PIAS2: variants seen among roughly 807,000 people sequenced by gnomAD.
PIAS2 encodes E3 SUMO-protein ligase PIAS2.
In PIAS2, 19 loss-of-function variants were observed where a neutral mutation model predicts 69.7. That is an observed-to-expected ratio of 0.27 (90% CI 0.19 to 0.40). The LOEUF is 0.40. Among genes scored for constraint, PIAS2 ranks in the 10% least tolerant of loss-of-function variants. The pLI is 1.00. For missense variants in PIAS2, 624 were observed against 757.0 expected, an observed-to-expected ratio of 0.82 and a Z score of 2.06; for synonymous variants, 261 against 263.2, an observed-to-expected ratio of 0.99 and a Z score of 0.08.
chr18:46,919,417 C>T (rs1382426991), upstream of PIAS2, among the ~76,000 whole-genome samples: 1 of 151,654 alleles, frequency 6.6e-6, no homozygotes, highest in Admixed American at 6.6e-5. Flanking sequence ...ACCCTGGAGG[C>T]GGAGGTTCCA....
intron 9 of PIAS2, among the ~76,000 whole-genome samples, chr18:46,830,944 C>G (rs1157381197): frequency 6.6e-6 from 1 of 152,114 alleles, no homozygotes; most frequent in East Asian, 1.9e-4. Flanking sequence ...AATCCAACAA[C>G]AAATATACAC....
intron 5 of PIAS2, among the ~76,000 whole-genome samples, chr18:46,847,823 G>C (rs963183678): frequency 6.6e-6 from 1 of 152,004 alleles, no homozygotes; most frequent in African/African-American, 2.4e-5. Context: ...TTTCTGATTC[G>C]CAGTATATCC....
At chr18:46,918,824 T>G (rs1039803010), upstream of PIAS2, among the ~76,000 whole-genome samples, 121 of 152,230 alleles carry the variant, frequency 7.9e-4, no homozygotes, top group Non-Finnish European at 5.9e-5. Flanking sequence ...AGGTTTCACT[T>G]TAAGTGTCAC....
intron 2 of PIAS2, among the ~76,000 whole-genome samples, chr18:46,879,528 A>G (rs748351261): frequency 3.3e-5 from 5 of 152,174 alleles, no homozygotes; most frequent in Non-Finnish European, 7.3e-5. Flanking sequence ...AAATAGAATT[A>G]CCATACGATC....
chr18:46,881,686 G>A (rs2052288858), intron 2 of PIAS2, among the ~76,000 whole-genome samples: 1 of 152,186 alleles, frequency 6.6e-6, no homozygotes. Context: ...ACAACTGACA[G>A]TGCTTCATCA....
rs1402314321 is a variant in PIAS2 at position 46,891,053 on chromosome 18, T to C, written c.26A>G (p.Asn9Ser). The change falls in exon 2 of 14, where the codon AAT (asparagine) becomes AGT (serine). Residue 9 changes from asparagine to serine, a missense_variant and splice_region_variant. Around this residue, in one of 3 missense-constraint regions of PIAS2, gnomAD observed 339 missense variants for 408.8 expected, o/e 0.83. Transcript: ENST00000585916. MADFEELR[N>S]MVSSFRVSEL... Reference sequence around the variant, plus strand: ...AGAAACCCTAAAACTAGAAACCATATTCTAAAAGGAAAGAAAAAAAAACAT... The same window carrying C: ...AGAAACCCTAAAACTAGAAACCATACTCTAAAAGGAAAGAAAAAAAAACAT... 1 of 1,561,194 alleles carries C rather than the reference T, an allele frequency of 6.4e-7. No individual in the cohort carries two copies. Among genetic ancestry groups the C allele is most frequent in the Non-Finnish European group, 8.7e-7 (1 of 1,154,664 alleles).
intron 1 of PIAS2, among the ~76,000 whole-genome samples, chr18:46,910,884 C>G (rs1368032343): frequency 6.6e-6 from 1 of 152,136 alleles, no homozygotes; most frequent in East Asian, 1.9e-4. Flanking sequence ...TTTCAACATT[C>G]GAGAACTCAG....
chr18:46,861,001 C>T (rs968392094), intron 3 of PIAS2, among the ~76,000 whole-genome samples: 6 of 151,304 alleles, frequency 4.0e-5, no homozygotes, highest in East Asian at 1.9e-4. Flanking sequence ...AATAAAAGGC[C>T]GGGTGTGGTG....
rs116577469 is a variant in PIAS2 at position 46,890,892 on chromosome 18, G to A, written c.187C>T (p.Arg63Cys). The A allele has an allele frequency of 9.3e-6, 15 of 1,614,152 alleles. No individual in the cohort carries two copies. The highest frequency in any genetic ancestry group is 2.7e-5 in the African/African-American group (2 of 75,034). The change falls in exon 2 of 14, where the codon CGC becomes TGC. Residue 63 changes from arginine to cysteine, a missense_variant. Around this residue, in one of 3 missense-constraint regions of PIAS2, gnomAD observed 339 missense variants for 408.8 expected, o/e 0.83. Coordinates refer to ENST00000585916, the MANE Select transcript of PIAS2 (RefSeq NM_004671.5). ...VQIKIRELYR[R>C]RYPRTLEGLS... Reference sequence around the variant, plus strand: ...CCTTCAAGAGTTCGTGGATATCGGCGTCTATACAATTCTCGGATTTTAATC... The same window carrying A: ...CCTTCAAGAGTTCGTGGATATCGGCATCTATACAATTCTCGGATTTTAATC...
At chr18:46,818,400 A>G (rs375469650) in intron 12 of PIAS2, 5 of 1,587,902 alleles carry the variant, frequency 3.1e-6, no homozygotes, top group Non-Finnish European at 4.3e-6. Context: ...GTATCAGAAG[A>G]TGTTCCAAGC....
intron 5 of PIAS2, among the ~76,000 whole-genome samples, chr18:46,850,565 AT>A (rs1370801474): frequency 6.6e-6 from 1 of 152,172 alleles, no homozygotes; most frequent in Non-Finnish European, 1.5e-5. Context: ...TGGGGTAAAA[AT>A]TTTAGAAACA....
At chr18:46,901,145 C>T (rs112743728) in intron 1 of PIAS2, 15,449 of 343,560 alleles carry the variant, frequency 0.045, 455 homozygotes, top group Non-Finnish European at 0.062. Flanking sequence ...AGGCTGGGTG[C>T]GGTGGCTCAC....
Position 46,828,076 on chromosome 18 carries a change from T to C in PIAS2, c.1391A>G (p.Lys464Arg). 1 of 1,613,864 alleles carries C rather than the reference T, an allele frequency of 6.2e-7. No individual in the cohort carries two copies. Among genetic ancestry groups the C allele is most frequent in the South Asian group, 1.1e-5 (1 of 91,032 alleles). Reference sequence around the variant, plus strand: ...AAGATCAATAACATCTACTTTCTTCTTGCTTGCCTCACTGGCTACAGTCAC... The same window carrying C: ...AAGATCAATAACATCTACTTTCTTCCTGCTTGCCTCACTGGCTACAGTCAC... ...CSVTVASEAS[K>R]KKVDVIDLTI... is the part of the protein sequence containing the mutation. The change falls in exon 11 of 14, where the codon AAG (lysine) becomes AGG (arginine). Residue 464 changes from lysine to arginine, a missense_variant. Lys to Arg is a conservative substitution (Grantham distance 26). Around this residue, in one of 3 missense-constraint regions of PIAS2, gnomAD observed 241 missense variants for 257.3 expected, o/e 0.94. Coordinates refer to ENST00000585916, the MANE Select transcript of PIAS2 (RefSeq NM_004671.5).
At chr18:46,834,717 C>T (rs1370836076) in intron 9 of PIAS2, among the ~76,000 whole-genome samples, 1 of 152,204 alleles carries the variant, frequency 6.6e-6, no homozygotes, top group Non-Finnish European at 1.5e-5. Flanking sequence ...TGGTCTCAGA[C>T]AATCATCCTG....
chr18:46,821,157 C>T (rs914759089), intron 11 of PIAS2, 85 bp from the exon 12 acceptor site: 9 of 1,401,408 alleles, frequency 6.4e-6, no homozygotes, highest in African/African-American at 1.4e-5. Context: ...CATTCTCAGT[C>T]GTTCGTTCAC....
chr18:46,917,853 G>A (rs2058170756), upstream of PIAS2: 1 of 152,354 alleles, frequency 6.6e-6, no homozygotes, highest in Non-Finnish European at 1.5e-5. Context: ...GGTGCCTATG[G>A]ACGGAGAAAG....
intron 5 of PIAS2, among the ~76,000 whole-genome samples, chr18:46,851,219 G>C (rs890848805): frequency 6.6e-6 from 1 of 152,200 alleles, no homozygotes; most frequent in Non-Finnish European, 1.5e-5. Flanking sequence ...AAGGGGGCCA[G>C]TACTGCTAAG....
rs183059715 is a variant in PIAS2 at position 46,825,837 on chromosome 18, T to A, written c.1508+2122A>T. Among the ~76,000 whole-genome samples the A allele has an allele frequency of 1.1e-4, 17 of 152,362 alleles. No homozygotes were observed. In the East Asian group the frequency reaches 3.1e-3, roughly 28 times the overall value. On this transcript the variant is annotated intron_variant, in intron 11 of 13. Transcript: ENST00000585916. ...CCTTTCCAACATCCATGAAGATGAC[T>A]ACAAAGTTGTCCTTATGACGAGATC...
Position 46,821,619 on chromosome 18 carries a change from T to C in PIAS2, c.1509-547A>G, listed in dbSNP as rs570191989. On this transcript the variant is annotated intron_variant, in intron 11 of 13. Coordinates refer to ENST00000585916, the MANE Select transcript of PIAS2 (RefSeq NM_004671.5). ...TTAAAGCCGACCAACTTGATGGCAA[T>C]AGGCCACAATCAGAAACGAGGATGA... 1.7e-3 allele frequency among the ~76,000 whole-genome samples: 252 copies of C among 152,144 alleles called. 1 individual carries two copies. Among genetic ancestry groups the C allele is most frequent in the Middle Eastern group, 6.8e-3 (2 of 292 alleles).
Sources: allele counts gnomAD v4.1 joint callset (sites outside exome capture counted in the v4.1 genomes callset), GRCh38; gene constraint gnomAD v4.1.1; regional missense constraint gnomAD v4.1.1; transcripts MANE v1.5; gene names NCBI Gene and HGNC (gene_info 2026-07-23, HGNC 2026-07-21).